The following TMEFF2 variants were observed in gnomAD, a reference collection of about 807,000 sequenced individuals.
TMEFF2 encodes tomoregulin-2.
Under a neutral mutation model 53.8 loss-of-function variants are expected in TMEFF2, and 28 were observed. The ratio of observed to expected loss-of-function variants is 0.52; its 90% CI spans 0.39 to 0.71. The LOEUF (loss-of-function observed/expected upper bound fraction) is 0.71. TMEFF2 is among the 30% of genes least tolerant of loss of function. TMEFF2 has a pLI of 0.00. For synonymous variants in TMEFF2, 162 were observed against 166.3 expected, an observed-to-expected ratio of 0.97 and a Z score of 0.20; for missense variants, 353 against 455.2, an observed-to-expected ratio of 0.78 and a Z score of 2.04.
chr2:191,964,245 CT>C (rs1237480997), intron 7 of TMEFF2, among the ~76,000 whole-genome samples: 75 of 99,334 alleles, frequency 7.6e-4, no homozygotes, highest in African/African-American at 1.0e-3. Flanking sequence ...TCCTTCCTTC[CT>C]TCCTTCCTTC....
chr2:192,021,118 G>A (rs1174279978), intron 5 of TMEFF2, among the ~76,000 whole-genome samples: 2 of 152,128 alleles, frequency 1.3e-5, no homozygotes, highest in Non-Finnish European at 2.9e-5. Context: ...CTGTATCTTT[G>A]CAAGCACAGG....
intron 7 of TMEFF2, among the ~76,000 whole-genome samples, chr2:191,977,851 G>A (rs1685769011): frequency 6.6e-6 from 1 of 151,990 alleles, no homozygotes; most frequent in Admixed American, 6.6e-5. Context: ...AAATAACTAT[G>A]TTTTTATGTT....
chr2:191,978,112 G>A (rs771064567), intron 7 of TMEFF2, among the ~76,000 whole-genome samples: 2 of 151,866 alleles, frequency 1.3e-5, no homozygotes, highest in East Asian at 1.9e-4. Context: ...CTTTTGATAC[G>A]ATATTTTTAA....
chr2:192,037,654 AG>A (rs1687364136), intron 5 of TMEFF2, among the ~76,000 whole-genome samples: 3 of 145,864 alleles, frequency 2.1e-5, no homozygotes, highest in African/African-American at 7.5e-5. Flanking sequence ...AGAGAGAGAG[AG>A]AGAGAGAGAG....
chr2:192,007,542 T>A (rs894073328), intron 5 of TMEFF2, among the ~76,000 whole-genome samples: 11 of 152,100 alleles, frequency 7.2e-5, no homozygotes, highest in African/African-American at 2.7e-4. Context: ...GCTGGGAGGA[T>A]CACAGATCAG....
chr2:192,019,889 T>C (rs756372586), intron 5 of TMEFF2, among the ~76,000 whole-genome samples: 14 of 152,068 alleles, frequency 9.2e-5, no homozygotes, highest in Non-Finnish European at 1.8e-4. Context: ...TTTCATAATG[T>C]GAAAATTTTA....
At chr2:192,156,660 G>T (rs1488397220) in intron 4 of TMEFF2, among the ~76,000 whole-genome samples, 1 of 151,974 alleles carries the variant, frequency 6.6e-6, no homozygotes, top group Non-Finnish European at 1.5e-5. Flanking sequence ...AAATATGTAG[G>T]CCATGAGAGT....
rs372759009 is a variant in TMEFF2 at position 192,026,300 on chromosome 2, G to T, written c.537-27092C>A. On this transcript the variant is annotated intron_variant, in intron 5 of 9. Coordinates refer to ENST00000272771, the MANE Select transcript of TMEFF2 (RefSeq NM_016192.4). Reference sequence around the variant, plus strand: ...TTTTACTTAGGCATGGGAAGTGGAGGGAAAGCTCAAGTGTAAAGACAAAGG... The same window carrying T: ...TTTTACTTAGGCATGGGAAGTGGAGTGAAAGCTCAAGTGTAAAGACAAAGG... 8.5e-4 allele frequency among the ~76,000 whole-genome samples: 129 copies of T among 152,280 alleles called. 4 individuals are homozygous for T. In the South Asian group the frequency reaches 0.024, roughly 29 times the overall value.
intron 4 of TMEFF2, among the ~76,000 whole-genome samples, chr2:192,089,498 A>G (rs1235449665): frequency 6.6e-6 from 1 of 152,012 alleles, no homozygotes. Context: ...TCAGCACCCA[A>G]CTTCTGGAGT....
chr2:192,078,543 T>G (rs191861212), intron 4 of TMEFF2, among the ~76,000 whole-genome samples: 188 of 152,290 alleles, frequency 1.2e-3, no homozygotes, highest in African/African-American at 4.3e-3. Context: ...ATTGCAGAGA[T>G]ATTTTTAATT....
chr2:192,144,696 TAAC>T (rs1170426736), intron 4 of TMEFF2, among the ~76,000 whole-genome samples: 1 of 152,080 alleles, frequency 6.6e-6, no homozygotes, highest in Non-Finnish European at 1.5e-5. Context: ...TTAAATGTAA[TAAC>T]AACAAGTGCA....
intron 7 of TMEFF2, among the ~76,000 whole-genome samples, chr2:191,983,562 A>G (rs1470460109): frequency 1.3e-5 from 2 of 152,160 alleles, no homozygotes; most frequent in Non-Finnish European, 1.5e-5. Flanking sequence ...CTTGATATAT[A>G]AGATGACAGT....
chr2:191,987,929 T>G (rs1382187694), intron 7 of TMEFF2, among the ~76,000 whole-genome samples: 1 of 152,180 alleles, frequency 6.6e-6, no homozygotes, highest in Non-Finnish European at 1.5e-5. Flanking sequence ...ATTTTCCTGA[T>G]GATTATAATC....
chr2:192,029,636 C>T (rs191917097), intron 5 of TMEFF2, among the ~76,000 whole-genome samples: 10 of 152,184 alleles, frequency 6.6e-5, no homozygotes, highest in African/African-American at 2.2e-4. Flanking sequence ...CTCACAGAAC[C>T]CCATCATAAT....
intron 4 of TMEFF2, among the ~76,000 whole-genome samples, chr2:192,118,779 A>G (rs1473497663): frequency 6.6e-6 from 1 of 152,190 alleles, no homozygotes; most frequent in African/African-American, 2.4e-5. Context: ...AGATATGAAA[A>G]TACTTTATAT....
chr2:191,952,805 T>C (rs571465745), intron 9 of TMEFF2, among the ~76,000 whole-genome samples: 12 of 152,232 alleles, frequency 7.9e-5, no homozygotes, highest in African/African-American at 2.9e-4. Flanking sequence ...AAAACAATTT[T>C]TAGAGAAACA....
chr2:192,179,371 T>G (rs1370196564), intron 4 of TMEFF2: 1 of 326,880 alleles, frequency 3.1e-6, no homozygotes, highest in Non-Finnish European at 5.6e-6. Context: ...GCTTACATGC[T>G]TCTCTTCAGA....
chr2:192,189,768 C>A (rs1691416690), intron 2 of TMEFF2, among the ~76,000 whole-genome samples: 1 of 152,020 alleles, frequency 6.6e-6, no homozygotes, highest in African/African-American at 2.4e-5. Context: ...ATTTATTATT[C>A]TTCATGCAAC....
intron 4 of TMEFF2, among the ~76,000 whole-genome samples, chr2:192,147,214 T>C (rs1055380477): frequency 6.6e-6 from 1 of 151,988 alleles, no homozygotes; most frequent in African/African-American, 2.4e-5. Flanking sequence ...AAACTGAAGA[T>C]TAAATCACAG....
Sources: allele counts gnomAD v4.1 joint callset (sites outside exome capture counted in the v4.1 genomes callset), GRCh38; gene constraint gnomAD v4.1.1; transcripts MANE v1.5; gene names NCBI Gene and HGNC (gene_info 2026-07-23, HGNC 2026-07-21).